Variants in QKI observed in about 807,000 individuals in gnomAD.
The protein encoded by QKI is QKI, KH domain containing RNA binding, also known as KH domain-containing RNA-binding protein QKI.
QKI carries 10 observed loss-of-function variants against 39.0 expected under a neutral mutation model. The ratio of observed to expected loss-of-function variants is 0.26; its 90% CI spans 0.16 to 0.43. The LOEUF (loss-of-function observed/expected upper bound fraction) is 0.43, where lower values mean the gene tolerates loss of function less well. QKI is among the 20% of genes least tolerant of loss of function. The pLI, the probability that QKI is intolerant of heterozygous loss-of-function variation, is 1.00. For synonymous variants in QKI, 204 were observed against 155.4 expected (o/e 1.31, Z -2.33); for missense variants, 218 against 428.0 (o/e 0.51, Z 4.33).
At chr6:163,484,272 A>G (rs950084359) in intron 3 of QKI, among the ~76,000 whole-genome samples, 1 of 150,480 alleles carries the variant, frequency 6.6e-6, no homozygotes, top group Non-Finnish European at 1.5e-5. Context: ...GTGCAATCTC[A>G]GGTCACTGCA....
chr6:163,450,035 A>G (rs1010290860), intron 1 of QKI, among the ~76,000 whole-genome samples: 7 of 151,466 alleles, frequency 4.6e-5, no homozygotes, highest in African/African-American at 9.8e-5. Context: ...ACACACACAT[A>G]TATATGTATA....
intron 1 of QKI, among the ~76,000 whole-genome samples, chr6:163,425,803 T>G (rs1582961286): frequency 6.6e-6 from 1 of 152,180 alleles, no homozygotes; most frequent in Admixed American, 6.5e-5. Context: ...AGAATTGAGC[T>G]TTTATTTCTA....
At chr6:163,452,976 C>T (rs772432942) in intron 1 of QKI, among the ~76,000 whole-genome samples, 2 of 152,200 alleles carry the variant, frequency 1.3e-5, no homozygotes, top group African/African-American at 2.4e-5. Context: ...GGTCTGCCTG[C>T]CTTGGCCTCC....
intron 2 of QKI, among the ~76,000 whole-genome samples, chr6:163,476,482 C>A (rs534769476): frequency 6.6e-6 from 1 of 152,160 alleles, no homozygotes; most frequent in East Asian, 1.9e-4. Flanking sequence ...CCGCTGCCAA[C>A]CTTAATTTGG....
At chr6:163,452,826 C>G (rs977215158) in intron 1 of QKI, among the ~76,000 whole-genome samples, 1 of 152,156 alleles carries the variant, frequency 6.6e-6, no homozygotes, top group African/African-American at 2.4e-5. Context: ...CTCCTGAGTA[C>G]AAGCGATTCT....
At chr6:163,569,117 G>A in intron 7 of QKI, 1 of 936,034 alleles carries the variant, frequency 1.1e-6, no homozygotes, top group African/African-American at 1.8e-5. Context: ...TGGAATACCT[G>A]TGAAGTAGTA....
At chr6:163,444,217 T>C (rs1789974895) in intron 1 of QKI, among the ~76,000 whole-genome samples, 1 of 152,064 alleles carries the variant, frequency 6.6e-6, no homozygotes, top group African/African-American at 2.4e-5. Context: ...GAGCACAAAA[T>C]GGAATTCTCT....
chr6:163,421,902 G>A (rs1312539470), intron 1 of QKI, among the ~76,000 whole-genome samples: 1 of 151,742 alleles, frequency 6.6e-6, no homozygotes, highest in Non-Finnish European at 1.5e-5. Flanking sequence ...CCGCCACCAC[G>A]CCCGGCTAAT....
chr6:163,440,524 C>T (rs1008670681), intron 1 of QKI, among the ~76,000 whole-genome samples: 5 of 152,134 alleles, frequency 3.3e-5, no homozygotes, highest in Non-Finnish European at 7.4e-5. Context: ...TATCTCCTAG[C>T]CATATAGACT....
chr6:163,517,080 T>TC (rs1562505597), intron 3 of QKI, among the ~76,000 whole-genome samples: 5 of 137,408 alleles, frequency 3.6e-5, no homozygotes, highest in Non-Finnish European at 6.2e-5. Context: ...TCTCTCTCTC[T>TC]TTCTCTCTCT....
At chr6:163,548,430 T>A (rs1782023899) in intron 4 of QKI, among the ~76,000 whole-genome samples, 1 of 152,236 alleles carries the variant, frequency 6.6e-6, no homozygotes. Context: ...ATTTTTTAAA[T>A]CACCTCATTA....
chr6:163,479,892 G>C (rs2128225752), intron 3 of QKI, among the ~76,000 whole-genome samples: 1 of 152,218 alleles, frequency 6.6e-6, no homozygotes, highest in African/African-American at 2.4e-5. Flanking sequence ...CAGATCACTG[G>C]GAGAGTTAGA....
At chr6:163,565,160 T>G (rs998543376) in intron 6 of QKI, 1 of 992,652 alleles carries the variant, frequency 1.0e-6, no homozygotes, top group Non-Finnish European at 1.2e-6. Flanking sequence ...GAGGCTTGTG[T>G]CTGTTGCACA....
At chr6:163,513,202 G>C (rs1254508633) in intron 3 of QKI, among the ~76,000 whole-genome samples, 2 of 152,132 alleles carry the variant, frequency 1.3e-5, no homozygotes, top group African/African-American at 4.8e-5. Context: ...TGCAGGTCTT[G>C]GAACATATCG....
rs371760972 is a variant in QKI at position 163,441,675 on chromosome 6, AG to A, written c.143-13602del. On this transcript the variant is annotated intron_variant, in intron 1 of 7. Coordinates refer to ENST00000361752, the MANE Select transcript of QKI (RefSeq NM_006775.3). ...TTGCTGTTTAAAAATAGGAAGATCA[AG>A]GTTGGACTCCTTGAAAAACTGGAGC... Among the ~76,000 whole-genome samples the A allele has an allele frequency of 7.2e-5, 11 of 152,272 alleles. No homozygotes were observed. The East Asian group carries it at 2.1e-3, about 29-fold the overall frequency.
chr6:163,515,215 T>C (rs918989064), intron 3 of QKI, among the ~76,000 whole-genome samples: 3 of 152,160 alleles, frequency 2.0e-5, no homozygotes, highest in African/African-American at 7.2e-5. Flanking sequence ...GTCCTCAATG[T>C]TATCAAAGCT....
At chr6:163,570,049 A>G in intron 7 of QKI, 4 of 986,234 alleles carry the variant, frequency 4.1e-6, no homozygotes, top group Non-Finnish European at 4.8e-6. Context: ...GCTAGACTAC[A>G]GTTTAGTATC....
intron 1 of QKI, among the ~76,000 whole-genome samples, chr6:163,452,450 A>G (rs1790641747): frequency 6.6e-6 from 1 of 152,172 alleles, no homozygotes; most frequent in South Asian, 2.1e-4. Context: ...AAGTTATTTG[A>G]GAGCTGGAAC....
chr6:163,415,390 T>TC, intron 1 of QKI, 55 bp downstream of exon 1: 1 of 1,277,544 alleles, frequency 7.8e-7, no homozygotes. Flanking sequence ...GCGGCCCCTT[T>TC]CCCCGCTTGG....
Sources: gnomAD v4.1 joint callset for allele counts (sites outside exome capture counted in the v4.1 genomes callset) on GRCh38, gnomAD v4.1.1 for gene constraint, MANE v1.5 for transcripts, NCBI Gene and HGNC (gene_info 2026-07-23, HGNC 2026-07-21) for gene names.